Variants in TMTC1 observed in about 807,000 individuals in gnomAD.
TMTC1 encodes protein O-mannosyl-transferase TMTC1.
A neutral mutation model predicts 104.8 loss-of-function variants in TMTC1; 73 were observed. That is an observed-to-expected ratio of 0.70 (90% confidence interval 0.58 to 0.85). TMTC1 has a LOEUF of 0.85. Among genes scored for constraint, TMTC1 ranks in the 40% least tolerant of loss-of-function variants. The probability of loss-of-function intolerance (pLI) is 0.00; values close to 1 mark genes in which losing one functional copy is unlikely to be tolerated. For missense variants in TMTC1, 1,035 were observed against 1,096.1 expected (o/e 0.94, Z 0.79); for synonymous variants, 434 against 428.7 (o/e 1.01, Z -0.15).
chr12:29,630,616 C>T (rs967421360), intron 6 of TMTC1, among the ~76,000 whole-genome samples: 2 of 152,134 alleles, frequency 1.3e-5, no homozygotes, highest in South Asian at 2.1e-4. Flanking sequence ...TTTATGTATT[C>T]GTAGTTTGTT....
chr12:29,752,504 C>A (rs1943116421), intron 4 of TMTC1, among the ~76,000 whole-genome samples: 1 of 152,202 alleles, frequency 6.6e-6, no homozygotes, highest in Non-Finnish European at 1.5e-5. Flanking sequence ...AACTACACTT[C>A]CATGGCTACG....
intron 5 of TMTC1, among the ~76,000 whole-genome samples, chr12:29,721,183 A>G (rs1331252379): frequency 4.6e-5 from 7 of 152,174 alleles, no homozygotes. Context: ...AGGTATGTGT[A>G]TGCATGTGTG....
chr12:29,661,029 T>C (rs1269616419), intron 5 of TMTC1: 2 of 378,924 alleles, frequency 5.3e-6, no homozygotes, highest in Non-Finnish European at 8.6e-6. Flanking sequence ...AACACCTGGG[T>C]TTCCGTTCCC....
At chr12:29,511,084 C>T (rs1465694903) in intron 17 of TMTC1, among the ~76,000 whole-genome samples, 1 of 152,222 alleles carries the variant, frequency 6.6e-6, no homozygotes, top group East Asian at 1.9e-4. Context: ...GTAACTGAGG[C>T]CTTTCCTAAC....
intron 5 of TMTC1, among the ~76,000 whole-genome samples, chr12:29,673,978 C>T (rs1044438834): frequency 6.6e-6 from 1 of 151,788 alleles, no homozygotes; most frequent in South Asian, 2.1e-4. Context: ...AGGCTGGTCT[C>T]GAACTCCCAA....
At chr12:29,550,813 C>A (rs928347471) in intron 10 of TMTC1, among the ~76,000 whole-genome samples, 1 of 151,484 alleles carries the variant, frequency 6.6e-6, no homozygotes, top group African/African-American at 2.4e-5. Context: ...GAAGAAGGTA[C>A]AAGAAGTTGT....
At chr12:29,627,979 G>A (rs961998625) in intron 6 of TMTC1, among the ~76,000 whole-genome samples, 4 of 152,184 alleles carry the variant, frequency 2.6e-5, no homozygotes, top group African/African-American at 9.7e-5. Context: ...TATAACCAGA[G>A]AGAATCATGT....
chr12:29,672,189 C>T (rs1023772969), intron 5 of TMTC1, among the ~76,000 whole-genome samples: 1 of 152,166 alleles, frequency 6.6e-6, no homozygotes, highest in Non-Finnish European at 1.5e-5. Context: ...GTTCACTGTC[C>T]CTTCATCCTG....
intron 6 of TMTC1, among the ~76,000 whole-genome samples, chr12:29,607,793 C>G (rs1041164822): frequency 6.6e-6 from 1 of 152,066 alleles, no homozygotes; most frequent in Non-Finnish European, 1.5e-5. Context: ...TAAAAGGAGG[C>G]AAGTATGCCT....
chr12:29,721,042 T>TA (rs1253719295), intron 5 of TMTC1, among the ~76,000 whole-genome samples: 1 of 152,080 alleles, frequency 6.6e-6, no homozygotes, highest in Non-Finnish European at 1.5e-5. Flanking sequence ...AATACATCCC[T>TA]AAAAAAATCT....
intron 5 of TMTC1, among the ~76,000 whole-genome samples, chr12:29,705,942 G>GA (rs112746950): frequency 3.1e-4 from 46 of 146,664 alleles, no homozygotes; most frequent in Non-Finnish European, 5.0e-4. Context: ...TCGGGCTGAA[G>GA]AAAAAAAAAA....
intron 2 of TMTC1, among the ~76,000 whole-genome samples, chr12:29,761,348 A>C (rs1296259115): frequency 6.6e-6 from 1 of 151,890 alleles, no homozygotes; most frequent in Non-Finnish European, 1.5e-5. Context: ...AAAATAAATA[A>C]GATTTTTATA....
In TMTC1 at chr12:29,599,773, A is replaced by G. The variant is rs140308833; in HGVS notation, c.1250+4405T>C. 1.4e-3 allele frequency among the ~76,000 whole-genome samples: 218 copies of G among 152,080 alleles called. 2 individuals are homozygous for G. The highest frequency in any genetic ancestry group is 4.9e-3 in the African/African-American group (205 of 41,488). The stretch of plus-strand genomic sequence containing the variant: ...TTCACCTTCTTTAGAAAGATTACCA[A>G]CTGAGCCTTTGACTTCATTTTCCTA... On this transcript the variant is annotated intron_variant, in intron 7 of 17. Transcript: ENST00000539277.
intron 5 of TMTC1, among the ~76,000 whole-genome samples, chr12:29,720,684 T>C (rs1241501933): frequency 1.3e-5 from 2 of 151,314 alleles, no homozygotes; most frequent in African/African-American, 4.9e-5. Flanking sequence ...AGTAAGAAAA[T>C]TTAACATGCT....
At chr12:29,508,492 G>T (rs1943749223) in intron 17 of TMTC1, among the ~76,000 whole-genome samples, 1 of 152,070 alleles carries the variant, frequency 6.6e-6, no homozygotes, top group Non-Finnish European at 1.5e-5. Context: ...AAGTGCCTTG[G>T]GATCTTATTC....
At chr12:29,651,902 CAA>C (rs34170602) in intron 5 of TMTC1, among the ~76,000 whole-genome samples, 5 of 143,184 alleles carry the variant, frequency 3.5e-5, no homozygotes, top group Admixed American at 1.4e-4. Context: ...AAAACTTGCC[CAA>C]AAAAAAAAAA....
chr12:29,534,624 C>T (rs768957342), intron 11 of TMTC1: 55 of 152,290 alleles, frequency 3.6e-4, no homozygotes, highest in Non-Finnish European at 2.2e-4. Context: ...AAAGTATATA[C>T]GTTATCCTGT....
At chr12:29,578,233 C>CG (rs1315684317) in intron 8 of TMTC1, among the ~76,000 whole-genome samples, 4 of 151,984 alleles carry the variant, frequency 2.6e-5, no homozygotes. Flanking sequence ...ATCCTAAGAA[C>CG]ACACTGCTTT....
intron 5 of TMTC1, among the ~76,000 whole-genome samples, chr12:29,663,171 C>T (rs1940113707): frequency 6.6e-6 from 1 of 152,162 alleles, no homozygotes; most frequent in African/African-American, 2.4e-5. Flanking sequence ...AAGGTAAAGC[C>T]CTGCTCAGCG....
Sources: gnomAD v4.1 joint callset for allele counts (sites outside exome capture counted in the v4.1 genomes callset) on GRCh38, gnomAD v4.1.1 for gene constraint, MANE v1.5 for transcripts, NCBI Gene and HGNC (gene_info 2026-07-23, HGNC 2026-07-21) for gene names.